LRRK2: variants seen among roughly 807,000 people sequenced by gnomAD.
The protein encoded by LRRK2 is leucine rich repeat kinase 2.
A neutral mutation model predicts 302.6 loss-of-function variants in LRRK2; 203 were observed. That is an observed-to-expected ratio of 0.67 (90% CI 0.60 to 0.75). LRRK2 has a LOEUF of 0.75. LRRK2 is among the 30% of genes least tolerant of loss of function. The pLI is 0.00. For synonymous variants in LRRK2, 1,066 were observed against 1,031.9 expected, an observed-to-expected ratio of 1.03 and a Z score of -0.63; for missense variants, 2,830 against 2,951.0, an observed-to-expected ratio of 0.96 and a Z score of 0.95.
intron 16 of LRRK2, among the ~76,000 whole-genome samples, chr12:40,277,384 G>T (rs1333992056): frequency 6.6e-6 from 1 of 152,114 alleles, no homozygotes; most frequent in Non-Finnish European, 1.5e-5. Flanking sequence ...CAACATAAAT[G>T]AAATCTAGGA....
intron 16 of LRRK2, among the ~76,000 whole-genome samples, chr12:40,276,288 C>T (rs1565703269): frequency 6.6e-6 from 1 of 151,988 alleles, no homozygotes; most frequent in Non-Finnish European, 1.5e-5. Context: ...TTTATTTGTC[C>T]AGTTCAGGGT....
chr12:40,274,950 C>T lies in LRRK2; in HGVS notation c.1898C>T (p.Ser633Phe), dbSNP rs781737269. Residue 633 changes from serine to phenylalanine, a missense_variant, in exon 16 of 51, where the codon TCC (serine) becomes TTC (phenylalanine). Coordinates refer to ENST00000298910, the MANE Select transcript of LRRK2 (RefSeq NM_198578.4). ...CATCTGCTGGCAAAAATTCTGGTTTCCAGCTTATACCGATTTAAGGATGTT... is the reference window on the plus strand; with the variant it reads ...CATCTGCTGGCAAAAATTCTGGTTTTCAGCTTATACCGATTTAAGGATGTT... Reference protein sequence around the residue: ...TGHLLAKILVSSLYRFKDVAE... With the variant: ...TGHLLAKILVFSLYRFKDVAE... 6.2e-7 allele frequency: 1 copy of T among 1,613,868 alleles called. No individual in the cohort carries two copies. Among genetic ancestry groups the T allele is most frequent in the Non-Finnish European group, 8.5e-7 (1 of 1,179,912 alleles).
chr12:40,273,983 A>G lies in LRRK2; in HGVS notation c.1657-600A>G, dbSNP rs549469912. Among the ~76,000 whole-genome samples, 11 of 152,254 alleles carry G rather than the reference A, an allele frequency of 7.2e-5. 1 individual carries two copies. The highest frequency in any genetic ancestry group is 2.6e-4 in the African/African-American group (11 of 41,566). On this transcript the variant is annotated intron_variant, in intron 14 of 50. Transcript: ENST00000298910. ...TTAAGATCCTGGGCTTTTAAGGTGGACACATTTATATTCAAGTCCCAGGCC... is the reference window on the plus strand; with the variant it reads ...TTAAGATCCTGGGCTTTTAAGGTGGGCACATTTATATTCAAGTCCCAGGCC...
At chr12:40,306,404 T>A (rs1049826330) in intron 28 of LRRK2, among the ~76,000 whole-genome samples, 6 of 152,208 alleles carry the variant, frequency 3.9e-5, no homozygotes, top group Admixed American at 6.5e-5. Flanking sequence ...ACTTCTATTT[T>A]GCCCATTAGG....
intron 23 of LRRK2, among the ~76,000 whole-genome samples, chr12:40,296,323 C>G (rs942544854): frequency 4.6e-5 from 7 of 152,054 alleles, no homozygotes; most frequent in African/African-American, 1.7e-4. Flanking sequence ...TATTTTAATG[C>G]AAATGTTTAA....
chr12:40,367,609 C>T (rs555475043), intron 50 of LRRK2, 35 bp from the exon 51 acceptor site: 9 of 1,587,286 alleles, frequency 5.7e-6, no homozygotes, highest in African/African-American at 1.4e-5. Context: ...TATGATGGAT[C>T]TTTGAAACAT....
At chr12:40,317,592 A>G (rs1198876153) in intron 33 of LRRK2, among the ~76,000 whole-genome samples, 1 of 152,116 alleles carries the variant, frequency 6.6e-6, no homozygotes, top group Non-Finnish European at 1.5e-5. Context: ...TAACTGTATG[A>G]TAAAAGAGAT....
At chr12:40,276,307 G>GT (rs1214375303) in intron 16 of LRRK2, among the ~76,000 whole-genome samples, 2 of 151,938 alleles carry the variant, frequency 1.3e-5, no homozygotes, top group Admixed American at 6.6e-5. Flanking sequence ...GTTTTGCTTT[G>GT]TTTTTTGAGA....
chr12:40,236,724 AAG>A (rs749989807), intron 4 of LRRK2, among the ~76,000 whole-genome samples: 130 of 152,314 alleles, frequency 8.5e-4, no homozygotes, highest in Non-Finnish European at 1.7e-3. Flanking sequence ...ATGCTGGAGA[AAG>A]AGGAAGATGA....
intron 49 of LRRK2, chr12:40,366,701 T>C (rs1264573070): frequency 3.2e-6 from 1 of 315,276 alleles, no homozygotes; most frequent in Non-Finnish European, 6.0e-6. Flanking sequence ...ACACATTACC[T>C]CGTTTAACAT....
intron 26 of LRRK2, 60 bp downstream of exon 26, chr12:40,302,942 C>A: frequency 1.7e-6 from 2 of 1,175,124 alleles, no homozygotes; most frequent in South Asian, 1.3e-5. Flanking sequence ...CCTTTAGAAA[C>A]ATGATTTCGA....
At chr12:40,277,022 A>G (rs145483451) in intron 16 of LRRK2, among the ~76,000 whole-genome samples, 52 of 152,164 alleles carry the variant, frequency 3.4e-4, no homozygotes, top group African/African-American at 1.3e-3. Context: ...AATATTTTTT[A>G]TAGGCACAAG....
intron 14 of LRRK2, 38 bp downstream of exon 14, chr12:40,263,939 A>G: frequency 7.0e-7 from 1 of 1,424,012 alleles, no homozygotes; most frequent in Non-Finnish European, 9.9e-7. Context: ...TATACTATTA[A>G]CTAAAATATT....
At chr12:40,331,293 T>G (rs1430536530) in intron 39 of LRRK2, among the ~76,000 whole-genome samples, 2 of 152,196 alleles carry the variant, frequency 1.3e-5, no homozygotes, top group Non-Finnish European at 2.9e-5. Flanking sequence ...GGTTAGACCA[T>G]AGACTTTTAA....
Position 40,225,049 on chromosome 12 carries a change from G to A in LRRK2, c.-83G>A. The A allele has an allele frequency of 1.3e-6, 2 of 1,575,288 alleles. No individual in the cohort carries two copies. The highest frequency in any genetic ancestry group is 1.7e-6 in the Non-Finnish European group (2 of 1,153,776). On this transcript the variant is annotated 5_prime_UTR_variant, in exon 1 of 51. Transcript: ENST00000298910. ...GCGGTGAGCTGAGCTCGCCCCCGGG[G>A]AGCTGTGGCCGGCGCCCCTGCCGGT... is the stretch of plus-strand genomic sequence containing the variant.
At chr12:40,324,197 C>G (rs927175074) in intron 38 of LRRK2, among the ~76,000 whole-genome samples, 1 of 151,750 alleles carries the variant, frequency 6.6e-6, no homozygotes. Context: ...TCTGGCTCCT[C>G]GGTTATCATT....
At chr12:40,298,584 C>G (rs1486258177) in intron 24 of LRRK2, 91 bp downstream of exon 24, 1 of 1,502,118 alleles carries the variant, frequency 6.7e-7, no homozygotes. Context: ...TGAGTTTTAA[C>G]AACATGGTGA....
rs111501952 is a variant in LRRK2 at position 40,310,461 on chromosome 12, G to A, written c.4348G>A (p.Val1450Ile). The change falls in exon 31 of 51, where the codon GTT (valine) becomes ATT (isoleucine). Residue 1450 changes from valine (V) to isoleucine (I), a missense_variant. Around this residue, in one of 3 missense-constraint regions of LRRK2, gnomAD observed 2,121 missense variants for 2,148.0 expected, o/e 0.99. Coordinates refer to ENST00000298910, the MANE Select transcript of LRRK2 (RefSeq NM_198578.4). ...ARASSSPVIL[V>I]GTHLDVSDEK... ...CGCTTCTTCTTCCCCTGTGATTCTC[G>A]TTGGCACACATTTGGATGTTTCTGA... 104 of 1,612,826 alleles carry A rather than the reference G, an allele frequency of 6.4e-5. No homozygotes were observed. The highest frequency in any genetic ancestry group is 4.7e-4 in the East Asian group (21 of 44,864).
At position 40,304,060 on chromosome 12, in the gene LRRK2, T is replaced by A. The variant is rs1449994893; in HGVS notation, c.3703T>A (p.Leu1235Met). 6.2e-7 allele frequency: 1 copy of A among 1,613,704 alleles called. No homozygotes were observed. The highest frequency in any genetic ancestry group is 2.2e-5 in the East Asian group (1 of 44,854). The part of the protein sequence containing the change: ...LLFSHNQISI[L>M]DLSEKAYLWS... ...ATTTAGCCATAATCAGATCAGCATC[T>A]TGGACTTGAGTGAAAAAGCATATTT... Residue 1235 changes from leucine (L) to methionine (M), a missense_variant, in exon 27 of 51, where the codon TTG (leucine) becomes ATG (methionine). Physicochemically the swap from Leu to Met is conservative, Grantham distance 15. This residue lies in a region of LRRK2 where 2,121 missense variants were observed against 2,148.0 expected (regional missense o/e 0.99). Coordinates refer to ENST00000298910, the MANE Select transcript of LRRK2 (RefSeq NM_198578.4).
Sources: gnomAD v4.1 joint callset for allele counts (sites outside exome capture counted in the v4.1 genomes callset) on GRCh38, gnomAD v4.1.1 for gene constraint, gnomAD v4.1.1 regional missense constraint, MANE v1.5 for transcripts, NCBI Gene and HGNC (gene_info 2026-07-23, HGNC 2026-07-21) for gene names.